ZBTB44: variants seen among roughly 807,000 people sequenced by gnomAD.
ZBTB44 encodes zinc finger and BTB domain containing 44.
In ZBTB44, 15 loss-of-function variants were observed where a neutral mutation model predicts 54.0. The ratio of observed to expected loss-of-function variants is 0.28; its 90% CI spans 0.19 to 0.43. The LOEUF (loss-of-function observed/expected upper bound fraction) is 0.43, where lower values mean the gene tolerates loss of function less well. ZBTB44 is among the 20% of genes least tolerant of loss of function. ZBTB44 has a pLI of 1.00. For missense variants in ZBTB44, 487 were observed against 707.1 expected, an observed-to-expected ratio of 0.69 and a Z score of 3.53; for synonymous variants, 230 against 250.1, an observed-to-expected ratio of 0.92 and a Z score of 0.76.
At chr11:130,304,738 C>T (rs1942177018) in intron 1 of ZBTB44, among the ~76,000 whole-genome samples, 1 of 152,020 alleles carries the variant, frequency 6.6e-6, no homozygotes, top group Admixed American at 6.6e-5. Flanking sequence ...TAGTCAGTAA[C>T]ATTTTATTTT....
chr11:130,276,513 C>A (rs1940116098), intron 1 of ZBTB44, among the ~76,000 whole-genome samples: 1 of 151,260 alleles, frequency 6.6e-6, no homozygotes, highest in South Asian at 2.1e-4. Flanking sequence ...TGACTCACTG[C>A]AACCTCCACC....
intron 1 of ZBTB44, among the ~76,000 whole-genome samples, chr11:130,272,818 C>T (rs191488238): frequency 3.3e-5 from 5 of 151,896 alleles, no homozygotes; most frequent in East Asian, 3.9e-4. Flanking sequence ...TGTTAAAAAG[C>T]GTATTCTTTT....
At chr11:130,241,182 T>A (rs999419066) in intron 2 of ZBTB44, among the ~76,000 whole-genome samples, 2 of 152,250 alleles carry the variant, frequency 1.3e-5, no homozygotes, top group African/African-American at 4.8e-5. Flanking sequence ...CACATAAGCA[T>A]GCTTTTCTCC....
intron 1 of ZBTB44, among the ~76,000 whole-genome samples, chr11:130,267,129 C>T (rs552138526): frequency 5.5e-4 from 83 of 151,822 alleles, no homozygotes; most frequent in South Asian, 1.7e-3. Flanking sequence ...CTCAGTGTGA[C>T]GTCACATGCC....
intron 2 of ZBTB44, among the ~76,000 whole-genome samples, chr11:130,255,840 G>T (rs540286937): frequency 1.0e-4 from 15 of 145,450 alleles, no homozygotes; most frequent in African/African-American, 3.1e-4. Context: ...GACTAAACTA[G>T]GAAGAAGCTG....
At chr11:130,275,198 G>A (rs868051610) in intron 1 of ZBTB44, among the ~76,000 whole-genome samples, 2 of 151,970 alleles carry the variant, frequency 1.3e-5, no homozygotes, top group Non-Finnish European at 2.9e-5. Flanking sequence ...GGAGGGGCGA[G>A]GTCATTCATT....
At position 130,268,716 on chromosome 11, in the gene ZBTB44, A is replaced by C. The variant is rs544182811; in HGVS notation, c.-56-6787T>G. ...GCTTCAGCCTCCTGAGTAGTTGCGAATACAGTCGCCAGACACTACACCTGG... is the reference window on the plus strand; with the variant it reads ...GCTTCAGCCTCCTGAGTAGTTGCGACTACAGTCGCCAGACACTACACCTGG... On this transcript the variant is annotated intron_variant, in intron 1 of 7. Coordinates refer to ENST00000357899, the MANE Select transcript of ZBTB44 (RefSeq NM_001301098.2). Among the ~76,000 whole-genome samples the C allele has an allele frequency of 5.9e-5, 9 of 151,968 alleles. No individual in the cohort carries two copies. The South Asian group carries it at 8.3e-4, about 14-fold the overall frequency.
intron 1 of ZBTB44, among the ~76,000 whole-genome samples, chr11:130,279,428 G>A (rs955413891): frequency 1.3e-5 from 2 of 152,104 alleles, no homozygotes; most frequent in African/African-American, 2.4e-5. Flanking sequence ...GAAAGCTGAG[G>A]CAGGTGGATC....
intron 2 of ZBTB44, among the ~76,000 whole-genome samples, chr11:130,251,674 A>G (rs770753598): frequency 6.6e-6 from 1 of 152,212 alleles, no homozygotes; most frequent in Non-Finnish European, 1.5e-5. Flanking sequence ...CAGACAAACT[A>G]CGTTTCATAA....
At chr11:130,302,091 G>A (rs190571993) in intron 1 of ZBTB44, among the ~76,000 whole-genome samples, 61 of 151,646 alleles carry the variant, frequency 4.0e-4, no homozygotes, top group African/African-American at 1.4e-3. Flanking sequence ...TTAGTTTATA[G>A]TTAATACTTA....
rs1953751316 is a variant in ZBTB44 at position 130,228,075 on chromosome 11, A to C, written c.*3689T>G. On this transcript the variant is annotated 3_prime_UTR_variant, in exon 8 of 8. Transcript: ENST00000357899. ...TAGTAGAGGCACAAAGAAGCCATAT[A>C]CTATCCTCCAAGTTGGACATAAGGT... 2.6e-5 allele frequency: 4 copies of C among 152,238 alleles called. No homozygotes were observed. The highest frequency in any genetic ancestry group is 2.6e-4 in the Admixed American group (4 of 15,282). 9.4% of individuals were successfully genotyped at this position (152,238 alleles called of 1,614,324 possible). A position where few individuals can be genotyped will look rare whatever the true frequency, so the allele number is the denominator to read the frequency against.
At chr11:130,267,433 T>A (rs1036147528) in intron 1 of ZBTB44, among the ~76,000 whole-genome samples, 1 of 151,686 alleles carries the variant, frequency 6.6e-6, no homozygotes, top group Non-Finnish European at 1.5e-5. Context: ...AGAGGCAGGG[T>A]CTCACTCTGT....
At chr11:130,276,223 A>G (rs371742203) in intron 1 of ZBTB44, among the ~76,000 whole-genome samples, 14 of 142,038 alleles carry the variant, frequency 9.9e-5, no homozygotes, top group African/African-American at 3.8e-4. Context: ...TGAACGTGAA[A>G]CTCTGTCTCA....
chr11:130,247,856 A>C (rs1937654376), intron 2 of ZBTB44, among the ~76,000 whole-genome samples: 1 of 152,212 alleles, frequency 6.6e-6, no homozygotes, highest in Non-Finnish European at 1.5e-5. Context: ...GAAGGACTAG[A>C]GAGTTATCTT....
At chr11:130,265,132 T>C (rs990536389) in intron 1 of ZBTB44, among the ~76,000 whole-genome samples, 8 of 152,184 alleles carry the variant, frequency 5.3e-5, no homozygotes, top group Non-Finnish European at 1.2e-4. Context: ...CAGGTCTCCA[T>C]ATTCCATGAA....
intron 2 of ZBTB44, among the ~76,000 whole-genome samples, chr11:130,240,459 A>G (rs1274702493): frequency 6.6e-6 from 1 of 152,256 alleles, no homozygotes; most frequent in Non-Finnish European, 1.5e-5. Context: ...GAAAGCAAGC[A>G]GGGCAATTCA....
At chr11:130,260,700 G>A (rs1238831317) in intron 2 of ZBTB44, among the ~76,000 whole-genome samples, 156 bp downstream of exon 2, 3 of 152,158 alleles carry the variant, frequency 2.0e-5, no homozygotes, top group Non-Finnish European at 4.4e-5. Context: ...AAAAATAAAC[G>A]ATAGTGCTAA....
intron 1 of ZBTB44, among the ~76,000 whole-genome samples, chr11:130,272,510 G>A (rs1393535490): frequency 6.6e-6 from 1 of 152,194 alleles, no homozygotes; most frequent in Non-Finnish European, 1.5e-5. Context: ...GCTTACCAGA[G>A]AAATGGTTTG....
intron 1 of ZBTB44, among the ~76,000 whole-genome samples, chr11:130,303,665 C>A (rs538904352): frequency 6.6e-6 from 1 of 151,564 alleles, no homozygotes; most frequent in African/African-American, 2.4e-5. Flanking sequence ...CAAAAAAACC[C>A]AAAAAAACAC....
Sources: gnomAD v4.1 joint callset for allele counts (sites outside exome capture counted in the v4.1 genomes callset) on GRCh38, gnomAD v4.1.1 for gene constraint, MANE v1.5 for transcripts, NCBI Gene and HGNC (gene_info 2026-07-23, HGNC 2026-07-21) for gene names.